The following CADM2 variants were observed in gnomAD, a reference collection of about 807,000 sequenced individuals.
CADM2 encodes cell adhesion molecule 2.
In CADM2, 12 loss-of-function variants were observed where a neutral mutation model predicts 49.8. The observed-to-expected ratio is 0.24, with a 90% CI of 0.15 to 0.39. CADM2 has a LOEUF of 0.39. Among genes scored for constraint, CADM2 ranks in the 10% least tolerant of loss-of-function variants. CADM2 has a pLI of 1.00. For synonymous variants in CADM2, 214 were observed against 175.4 expected (o/e 1.22, Z -1.74); for missense variants, 378 against 492.3 (o/e 0.77, Z 2.20).
chr3:85,034,065 C>A (rs2035101181), intron 1 of CADM2, among the ~76,000 whole-genome samples: 1 of 152,080 alleles, frequency 6.6e-6, no homozygotes, highest in Non-Finnish European at 1.5e-5. Flanking sequence ...ATAATAATCA[C>A]ATCAAGGTAA....
At chr3:85,678,279 G>C (rs1414909882) in intron 1 of CADM2, among the ~76,000 whole-genome samples, 1 of 152,136 alleles carries the variant, frequency 6.6e-6, no homozygotes, top group Admixed American at 6.5e-5. Context: ...AAAGCAAAAG[G>C]ATAGTGAAGG....
intron 1 of CADM2, among the ~76,000 whole-genome samples, chr3:85,325,249 T>C (rs1316788401): frequency 6.6e-6 from 1 of 152,234 alleles, no homozygotes; most frequent in Non-Finnish European, 1.5e-5. Flanking sequence ...GTTTTGAGAA[T>C]TAAATGAGTT....
At chr3:85,353,964 T>A (rs1043560561) in intron 1 of CADM2, among the ~76,000 whole-genome samples, 12 of 152,190 alleles carry the variant, frequency 7.9e-5, no homozygotes, top group East Asian at 1.9e-4. Context: ...TAACTATATA[T>A]GTACAATTAT....
At chr3:85,206,462 C>T (rs1337940232) in intron 1 of CADM2, among the ~76,000 whole-genome samples, 1 of 151,918 alleles carries the variant, frequency 6.6e-6, no homozygotes, top group Non-Finnish European at 1.5e-5. Flanking sequence ...CGCCCGTCAC[C>T]ACGCCCGGCT....
intron 1 of CADM2, among the ~76,000 whole-genome samples, chr3:85,275,679 CTTTTAATACATGTA>C (rs1437406631): frequency 6.6e-6 from 1 of 151,052 alleles, no homozygotes; most frequent in Non-Finnish European, 1.5e-5. Context: ...AAAATGTTCT[CTTTTAATACATGTA>C]TTTGCTAAGT....
intron 1 of CADM2, among the ~76,000 whole-genome samples, chr3:85,132,870 T>A (rs1475410425): frequency 6.6e-6 from 1 of 152,206 alleles, no homozygotes; most frequent in South Asian, 2.1e-4. Flanking sequence ...TTGGTTTCGC[T>A]GACTTCAAGA....
chr3:85,032,625 C>T (rs901441714), intron 1 of CADM2, among the ~76,000 whole-genome samples: 2 of 152,170 alleles, frequency 1.3e-5, no homozygotes, highest in Non-Finnish European at 2.9e-5. Flanking sequence ...TTACCTGTCT[C>T]TCCCTTTAAT....
chr3:85,059,112 G>A (rs1057103284), intron 1 of CADM2, among the ~76,000 whole-genome samples: 1 of 151,812 alleles, frequency 6.6e-6, no homozygotes, highest in African/African-American at 2.4e-5. Flanking sequence ...GGTGGCAGGT[G>A]CCTGTAGTCC....
At chr3:85,285,552 A>T (rs2106908569) in intron 1 of CADM2, among the ~76,000 whole-genome samples, 1 of 152,276 alleles carries the variant, frequency 6.6e-6, no homozygotes, top group South Asian at 2.1e-4. Context: ...ATAGGGAATT[A>T]ACTCACATAA....
At chr3:85,021,727 A>T (rs563661171) in intron 1 of CADM2, among the ~76,000 whole-genome samples, 1 of 152,326 alleles carries the variant, frequency 6.6e-6, no homozygotes, top group South Asian at 2.1e-4. Context: ...GTGAGCCGAG[A>T]TCATGCCATT....
intron 1 of CADM2, among the ~76,000 whole-genome samples, chr3:85,431,318 AT>A (rs1220571070): frequency 2.0e-5 from 3 of 152,168 alleles, no homozygotes; most frequent in Non-Finnish European, 4.4e-5. Context: ...TAAGCAATGC[AT>A]GACTGTAATT....
chr3:85,404,427 C>T (rs1330571048), intron 1 of CADM2, among the ~76,000 whole-genome samples: 3 of 151,826 alleles, frequency 2.0e-5, no homozygotes, highest in Non-Finnish European at 4.4e-5. Context: ...TGAACTGAGA[C>T]TCCAGAAAAA....
At chr3:85,969,165 C>A (rs1209013180) in intron 8 of CADM2, among the ~76,000 whole-genome samples, 3 of 151,584 alleles carry the variant, frequency 2.0e-5, no homozygotes, top group African/African-American at 7.3e-5. Context: ...CATATCTCTT[C>A]ATGTCGTTTC....
intron 1 of CADM2, among the ~76,000 whole-genome samples, chr3:85,533,545 G>T (rs530247048): frequency 1.3e-5 from 2 of 152,078 alleles, no homozygotes; most frequent in African/African-American, 2.4e-5. Context: ...TATTCAAATG[G>T]CAAGTGTCAT....
At chr3:86,060,164 G>T (rs1226286272) in intron 8 of CADM2, among the ~76,000 whole-genome samples, 2 of 151,158 alleles carry the variant, frequency 1.3e-5, no homozygotes, top group Non-Finnish European at 2.9e-5. Flanking sequence ...AAACAATAAT[G>T]AACATGATAA....
chr3:85,970,535 A>G (rs1725995345), intron 8 of CADM2, among the ~76,000 whole-genome samples: 1 of 151,648 alleles, frequency 6.6e-6, no homozygotes, highest in African/African-American at 2.4e-5. Flanking sequence ...CTTAAATTAT[A>G]GGTTAGCAAG....
At chr3:85,436,211 T>G (rs2036922142) in intron 1 of CADM2, among the ~76,000 whole-genome samples, 2 of 152,166 alleles carry the variant, frequency 1.3e-5, no homozygotes, top group Non-Finnish European at 2.9e-5. Flanking sequence ...ACTCATGATT[T>G]GACTCTCTGT....
intron 3 of CADM2, among the ~76,000 whole-genome samples, chr3:85,854,456 AG>A (rs1265922848): frequency 6.6e-6 from 1 of 152,184 alleles, no homozygotes; most frequent in African/African-American, 2.4e-5. Context: ...GCCATAAAAA[AG>A]GATGAATTCA....
chr3:84,989,460 A>G (rs181394033), intron 1 of CADM2, among the ~76,000 whole-genome samples: 71 of 152,240 alleles, frequency 4.7e-4, no homozygotes, highest in Admixed American at 4.4e-3. Context: ...TTGTTCATTT[A>G]TAATGAGCAA....
Sources: allele counts gnomAD v4.1 joint callset (sites outside exome capture counted in the v4.1 genomes callset), GRCh38; gene constraint gnomAD v4.1.1; transcripts MANE v1.5; gene names NCBI Gene and HGNC (gene_info 2026-07-23, HGNC 2026-07-21).